DLG2: variants seen among roughly 807,000 people sequenced by gnomAD.
DLG2 encodes the protein discs large MAGUK scaffold protein 2.
Under a neutral mutation model 132.5 loss-of-function variants are expected in DLG2, and 45 were observed. That is an observed-to-expected ratio of 0.34 (90% confidence interval 0.27 to 0.44). DLG2 has a LOEUF of 0.44. Among genes scored for constraint, DLG2 ranks in the 20% least tolerant of loss-of-function variants. DLG2 has a pLI of 1.00. For missense variants in DLG2, 1,045 were observed against 1,196.9 expected, an observed-to-expected ratio of 0.87 and a Z score of 1.87; for synonymous variants, 424 against 419.6, an observed-to-expected ratio of 1.01 and a Z score of -0.13.
chr11:85,169,280 T>C (rs1413601718), intron 4 of DLG2, among the ~76,000 whole-genome samples: 3 of 152,168 alleles, frequency 2.0e-5, no homozygotes, highest in Non-Finnish European at 4.4e-5. Flanking sequence ...CTAAGAGAAG[T>C]TCAACTGTGT....
rs750623433 is a variant in DLG2, at chr11:83,532,780, C to T, written c.2121G>A (p.Val707=). The T allele has an allele frequency of 6.2e-7, 1 of 1,611,738 alleles. No homozygotes were observed. The highest frequency in any genetic ancestry group is 8.5e-7 in the Non-Finnish European group (1 of 1,178,738). ...TCAATCGGGCACGTTCCTTTCTTTCCACCCTAAAGCAAATTGAGAATAAAG... is the reference window on the plus strand; with the variant it reads ...TCAATCGGGCACGTTCCTTTCTTTCTACCCTAAAGCAAATTGAGAATAAAG... ...EMGVIPSKRR[V]ERKERARLKT... The change falls in exon 21 of 28, where the codon GTG becomes GTA. Residue 707 remains valine (V), a synonymous_variant. Transcript: ENST00000376104.
chr11:85,463,136 C>T (rs957937427), intron 3 of DLG2, among the ~76,000 whole-genome samples: 3 of 152,184 alleles, frequency 2.0e-5, no homozygotes, highest in South Asian at 2.1e-4. Flanking sequence ...TATTTTGTTA[C>T]GACAGCCCTA....
chr11:85,104,927 G>C (rs74976383), intron 6 of DLG2, among the ~76,000 whole-genome samples: 4 of 147,256 alleles, frequency 2.7e-5, no homozygotes, highest in African/African-American at 1.0e-4. Flanking sequence ...AAAGAGGTGG[G>C]TGAATATTGA....
intron 3 of DLG2, among the ~76,000 whole-genome samples, chr11:85,357,132 G>A (rs747795387): frequency 9.9e-5 from 15 of 152,032 alleles, no homozygotes; most frequent in Non-Finnish European, 1.9e-4. Context: ...GGTGAGGACA[G>A]GAGGAGAAGC....
chr11:85,543,363 C>T (rs147850378), intron 3 of DLG2, among the ~76,000 whole-genome samples: 1 of 152,204 alleles, frequency 6.6e-6, no homozygotes, highest in Non-Finnish European at 1.5e-5. Context: ...ACATGTGCCA[C>T]ATTTTCTTTA....
intron 16 of DLG2, among the ~76,000 whole-genome samples, chr11:83,863,938 T>A (rs1400963745): frequency 6.6e-6 from 1 of 152,178 alleles, no homozygotes; most frequent in East Asian, 1.9e-4. Flanking sequence ...TCAGGCAACA[T>A]TGATATTGAA....
At chr11:85,298,490 T>C (rs1209250472) in intron 3 of DLG2, among the ~76,000 whole-genome samples, 2 of 152,102 alleles carry the variant, frequency 1.3e-5, no homozygotes, top group South Asian at 2.1e-4. Flanking sequence ...ACTTCTGTAA[T>C]ACTCCTATTT....
chr11:85,044,523 G>T (rs2062151663), intron 6 of DLG2, among the ~76,000 whole-genome samples: 2 of 151,922 alleles, frequency 1.3e-5, no homozygotes, highest in African/African-American at 4.8e-5. Context: ...AGGGGTCAGG[G>T]TTTTTTGCCT....
chr11:85,014,487 T>TA (rs1001261099), intron 6 of DLG2, among the ~76,000 whole-genome samples: 1 of 152,196 alleles, frequency 6.6e-6, no homozygotes, highest in Non-Finnish European at 1.5e-5. Context: ...CTTCACCCCT[T>TA]AATATCTCAC....
intron 4 of DLG2, among the ~76,000 whole-genome samples, chr11:85,203,157 C>T (rs1175431697): frequency 6.6e-6 from 1 of 150,984 alleles, no homozygotes; most frequent in Non-Finnish European, 1.5e-5. Context: ...TACTTTTGCA[C>T]CAAACTAATA....
At chr11:85,378,708 C>T (rs2085632230) in intron 3 of DLG2, among the ~76,000 whole-genome samples, 1 of 152,086 alleles carries the variant, frequency 6.6e-6, no homozygotes, top group East Asian at 1.9e-4. Context: ...CTCCTAAATT[C>T]CTTTGTAGGC....
intron 3 of DLG2, among the ~76,000 whole-genome samples, chr11:85,583,843 A>C (rs560085067): frequency 6.6e-6 from 1 of 152,298 alleles, no homozygotes; most frequent in Non-Finnish European, 1.5e-5. Flanking sequence ...TACATGCCTC[A>C]GTGTATTGGG....
chr11:84,467,157 G>C (rs1294883893), intron 7 of DLG2, among the ~76,000 whole-genome samples: 1 of 151,180 alleles, frequency 6.6e-6, no homozygotes, highest in South Asian at 2.1e-4. Context: ...TGTATCTTGG[G>C]CAGCAAAAGT....
intron 3 of DLG2, among the ~76,000 whole-genome samples, chr11:85,459,226 C>T (rs2092523463): frequency 6.6e-6 from 1 of 152,170 alleles, no homozygotes; most frequent in African/African-American, 2.4e-5. Flanking sequence ...TGGTTGACTT[C>T]AGGAGCTCTA....
At chr11:85,570,049 T>C (rs1328822160) in intron 3 of DLG2, among the ~76,000 whole-genome samples, 1 of 152,220 alleles carries the variant, frequency 6.6e-6, no homozygotes, top group African/African-American at 2.4e-5. Flanking sequence ...TAGTAGTTAC[T>C]ACGCTCACTA....
chr11:85,524,156 G>A (rs991239171), intron 3 of DLG2, among the ~76,000 whole-genome samples: 17 of 152,180 alleles, frequency 1.1e-4, no homozygotes, highest in East Asian at 3.9e-4. Flanking sequence ...GTTAGAAAGC[G>A]TGAATAAGAT....
chr11:85,244,058 T>C (rs1225172983), intron 4 of DLG2, among the ~76,000 whole-genome samples: 1 of 152,028 alleles, frequency 6.6e-6, no homozygotes, highest in African/African-American at 2.4e-5. Context: ...GTTCCCAAAA[T>C]GTTAGTTTCC....
chr11:83,895,145 C>CTTTTTTT (rs11287512), intron 15 of DLG2, among the ~76,000 whole-genome samples: 8 of 87,910 alleles, frequency 9.1e-5, no homozygotes, highest in African/African-American at 1.5e-4. Flanking sequence ...GAACTACTGT[C>CTTTTTTT]TTTTTTTTTT....
intron 18 of DLG2, among the ~76,000 whole-genome samples, chr11:83,784,404 T>C (rs936033615): frequency 2.6e-5 from 4 of 152,248 alleles, no homozygotes; most frequent in African/African-American, 9.6e-5. Flanking sequence ...ATCTGATTGC[T>C]TGATGTTGCC....
Sources: allele counts gnomAD v4.1 joint callset (sites outside exome capture counted in the v4.1 genomes callset), GRCh38; gene constraint gnomAD v4.1.1; transcripts MANE v1.5; gene names NCBI Gene and HGNC (gene_info 2026-07-23, HGNC 2026-07-21).